SART1: variants seen among roughly 807,000 people sequenced by gnomAD.
The protein encoded by SART1 is spliceosome associated factor 1, recruiter of U4/U6.U5 tri-snRNP, also known as U4/U6.U5 tri-snRNP-associated protein 1.
SART1 carries 28 observed loss-of-function variants against 105.0 expected under a neutral mutation model. The ratio of observed to expected loss-of-function variants is 0.27; its 90% CI spans 0.20 to 0.37. The LOEUF (loss-of-function observed/expected upper bound fraction) is 0.37. Ranked by LOEUF, SART1 falls within the 10% of genes least tolerant of loss-of-function variation. The probability of loss-of-function intolerance (pLI) is 1.00; values close to 1 mark genes in which losing one functional copy is unlikely to be tolerated. For missense variants in SART1, 894 were observed against 1,106.5 expected (o/e 0.81, Z 2.72); for synonymous variants, 472 against 462.9 (o/e 1.02, Z -0.25).
chr11:65,971,433 A>G (rs1590639859), intron 12 of SART1, among the ~76,000 whole-genome samples: 2 of 71,406 alleles, frequency 2.8e-5, no homozygotes, highest in Admixed American at 1.4e-4. Context: ...GCTGCTGAGG[A>G]GGGGGATGGT....
chr11:65,972,716 A>G (rs1282830205), intron 12 of SART1, among the ~76,000 whole-genome samples: 1 of 151,582 alleles, frequency 6.6e-6, no homozygotes. Context: ...ATAGTCAGCT[A>G]TGATAGACTA....
At position 65,977,115 on chromosome 11, in the gene SART1, G is replaced by A; in HGVS notation, c.1945+14G>A. The A allele has an allele frequency of 1.2e-6, 2 of 1,607,550 alleles. No individual in the cohort carries two copies. The highest frequency in any genetic ancestry group is 2.2e-5 in the South Asian group (2 of 90,920). On this transcript the variant is annotated intron_variant, in intron 15 of 19. Coordinates refer to ENST00000312397, the MANE Select transcript of SART1 (RefSeq NM_005146.5). ...GTCAGAACAAAGGTAGGGAGCTCAGGGCAGCCATGACTTGGGTGGGCTTGG... is the reference window on the plus strand; with the variant it reads ...GTCAGAACAAAGGTAGGGAGCTCAGAGCAGCCATGACTTGGGTGGGCTTGG...
chr11:65,962,009 A>G lies in SART1; in HGVS notation c.229A>G (p.Ser77Gly), dbSNP rs984022658. 2 of 1,515,456 alleles carry G rather than the reference A, an allele frequency of 1.3e-6. No individual in the cohort carries two copies. The highest frequency in any genetic ancestry group is 1.5e-5 in the African/African-American group (1 of 68,946). The allele number at this position is 1,515,456 out of a possible 1,614,324, so 93.9% of individuals were successfully genotyped here. A position where few individuals can be genotyped will look rare whatever the true frequency, so the allele number is the denominator to read the frequency against. The change falls in exon 1 of 20, where the codon AGC (serine) becomes GGC (glycine). Residue 77 changes from serine (S) to glycine (G), a missense_variant. Transcript: ENST00000312397. ...CGGGGCCGAAGCTGAGGCCCGGAGC[A>G]GCACGCACGGGCGGGAGCGCAGCCA... ...RRGAEAEARS[S>G]THGRERSQAE...
At chr11:65,971,996 T>A (rs752146577) in intron 12 of SART1, among the ~76,000 whole-genome samples, 24 of 152,042 alleles carry the variant, frequency 1.6e-4, no homozygotes, top group Non-Finnish European at 1.0e-4. Flanking sequence ...CTATCTCAGC[T>A]CACTGCAATT....
chr11:65,962,746 G>C (rs642293), intron 1 of SART1, among the ~76,000 whole-genome samples: 1 of 151,976 alleles, frequency 6.6e-6, no homozygotes, highest in Non-Finnish European at 1.5e-5. Context: ...AAACCAGGAG[G>C]GCTATAGGCC....
At chr11:65,965,470 G>T in intron 5 of SART1, 23 bp downstream of exon 5, 2 of 1,548,048 alleles carry the variant, frequency 1.3e-6, no homozygotes, top group South Asian at 2.4e-5. Flanking sequence ...GCAGCATGGG[G>T]TGGTCGCCTA....
At chr11:65,973,555 C>G (rs1855425355) in intron 12 of SART1, among the ~76,000 whole-genome samples, 1 of 152,218 alleles carries the variant, frequency 6.6e-6, no homozygotes, top group African/African-American at 2.4e-5. Flanking sequence ...GGCCAGAGTC[C>G]TCAGCCACGC....
chr11:65,978,709 TG>T lies in SART1; in HGVS notation c.2262+26del, dbSNP rs766952326. ...GAGGCGGTGGGTGCCCTTGGGGATG[TG>T]GGGGGCCCTGTGCCTGCCGGGGCAG... On this transcript the variant is annotated intron_variant, in intron 18 of 19. Coordinates refer to ENST00000312397, the MANE Select transcript of SART1 (RefSeq NM_005146.5). The surrounding 1 kb of genome is among the most constrained non-coding windows in gnomAD (Gnocchi z 6.8). 3.1e-6 allele frequency: 5 copies of T among 1,613,062 alleles called. No individual in the cohort carries two copies. Among genetic ancestry groups the T allele is most frequent in the South Asian group, 1.1e-5 (1 of 91,036 alleles).
At chr11:65,964,689 GC>G in intron 3 of SART1, 119 bp downstream of exon 3, 4 of 1,024,702 alleles carry the variant, frequency 3.9e-6, no homozygotes, top group Non-Finnish European at 5.6e-6. Context: ...ATGCATATTT[GC>G]CGGAAGGCAT....
At position 65,966,355 on chromosome 11, in the gene SART1, A is replaced by C. The variant is rs1590634621; in HGVS notation, c.987A>C (p.Lys329Asn). 1 of 1,613,592 alleles carries C rather than the reference A, an allele frequency of 6.2e-7. No homozygotes were observed. ...DESVDDLAQQ[K>N]PRSILSKYDE... is the part of the protein sequence containing the mutation. ...CTGTACCTCTTGCCTTGCAGCAAAA[A>C]CCTCGCTCTATCCTGTCCAAGTATG... The change falls in exon 9 of 20, where the codon AAA (lysine) becomes AAC (asparagine). Residue 329 changes from lysine to asparagine, a missense_variant. Lys to Asn is a moderately conservative substitution (Grantham distance 94, BLOSUM62 0). Around this residue, in one of 2 missense-constraint regions of SART1, gnomAD observed 712 missense variants for 778.2 expected, o/e 0.91. Transcript: ENST00000312397.
At position 65,978,217 on chromosome 11, in the gene SART1, G is replaced by A. The variant is rs1476333717; in HGVS notation, c.2172+318G>A. 7.0e-5 allele frequency: 35 copies of A among 501,078 alleles called. No individual in the cohort carries two copies. Among genetic ancestry groups the A allele is most frequent in the African/African-American group, 2.3e-4 (12 of 51,854 alleles). 31.0% of individuals were successfully genotyped at this position (501,078 alleles called of 1,614,324 possible). On this transcript the variant is annotated intron_variant, in intron 17 of 19. Coordinates refer to ENST00000312397, the MANE Select transcript of SART1 (RefSeq NM_005146.5). The surrounding 1 kb of genome is among the most constrained non-coding windows in gnomAD (Gnocchi z 6.8). ...TCCTGGCCCGCAGGGCCATTCCAGC[G>A]TCCAGGCCCTTCCAGCACTCTCGTA... is the stretch of plus-strand genomic sequence containing the variant.
At chr11:65,970,315 T>A (rs1371896598) in intron 12 of SART1, among the ~76,000 whole-genome samples, 1 of 152,142 alleles carries the variant, frequency 6.6e-6, no homozygotes, top group East Asian at 1.9e-4. Flanking sequence ...ATGCCAACAT[T>A]TTCCAGTTAT....
chr11:65,966,645 C>CG, intron 9 of SART1, 89 bp downstream of exon 9: 1 of 1,363,564 alleles, frequency 7.3e-7, no homozygotes, highest in Non-Finnish European at 9.7e-7. Context: ...GAAGACAGGG[C>CG]GAGTATTTGT....
chr11:65,962,902 G>A (rs991512365), intron 1 of SART1, among the ~76,000 whole-genome samples: 3 of 152,072 alleles, frequency 2.0e-5, no homozygotes, highest in African/African-American at 7.2e-5. Context: ...ATGACTCCTT[G>A]AATTTTGGCT....
chr11:65,962,528 G>A (rs957549576), intron 1 of SART1, among the ~76,000 whole-genome samples: 2 of 152,154 alleles, frequency 1.3e-5, no homozygotes, highest in Admixed American at 1.3e-4. Flanking sequence ...ATCGTGTAGG[G>A]CGCATGGTAG....
Position 65,961,739 on chromosome 11 carries a change from T to G in SART1, c.-42T>G, listed in dbSNP as rs549686893. ...CCGGAAGTATTCCCATTTTGCGTTG[T>G]CTGGGCTCGGCGGCAGCCGGGCTCG... On this transcript the variant is annotated 5_prime_UTR_variant, in exon 1 of 20. Transcript: ENST00000312397. 124 of 1,462,642 alleles carry G rather than the reference T, an allele frequency of 8.5e-5. No homozygotes were observed. The African/African-American group carries it at 1.4e-3, about 17-fold the overall frequency. The allele number at this position is 1,462,642 out of a possible 1,614,324, so 90.6% of individuals were successfully genotyped here.
Position 65,978,194 on chromosome 11 carries a change from C to T in SART1, c.2172+295C>T. 1 of 514,306 alleles carries T rather than the reference C, an allele frequency of 1.9e-6. No homozygotes were observed. Among genetic ancestry groups the T allele is most frequent in the Non-Finnish European group, 3.5e-6 (1 of 284,958 alleles). The allele number at this position is 514,306 out of a possible 1,614,324, so 31.9% of individuals were successfully genotyped here. A position where few individuals can be genotyped will look rare whatever the true frequency, so the allele number is the denominator to read the frequency against. ...CTGCGTGAGCCCTTCACTGGCTTTC[C>T]TGGCCCGCAGGGCCATTCCAGCGTC... On this transcript the variant is annotated intron_variant, in intron 17 of 19. Transcript: ENST00000312397. The surrounding 1 kb of genome is among the most constrained non-coding windows in gnomAD (Gnocchi z 6.8).
intron 1 of SART1, among the ~76,000 whole-genome samples, chr11:65,962,297 C>G (rs1199848149): frequency 6.6e-6 from 1 of 152,204 alleles, no homozygotes; most frequent in African/African-American, 2.4e-5. Flanking sequence ...CCAGTGTACT[C>G]CAGCCTGGGC....
Position 65,966,382 on chromosome 11 carries a change from C to G in SART1, c.1014C>G (p.Asp338Glu), listed in dbSNP as rs748251289. Residue 338 changes from aspartate to glutamate, a missense_variant, in exon 9 of 20, where the codon GAC (aspartate) becomes GAG (glutamate). Physicochemically the swap from Asp to Glu is conservative, Grantham distance 45. Coordinates refer to ENST00000312397, the MANE Select transcript of SART1 (RefSeq NM_005146.5). ...QKPRSILSKYDEELEGERPHS... is the reference protein window; with the variant it reads ...QKPRSILSKYEEELEGERPHS... ...CTCGCTCTATCCTGTCCAAGTATGA[C>G]GAAGAGCTTGAAGGGGAGCGGCCAC... 7 of 1,613,980 alleles carry G rather than the reference C, an allele frequency of 4.3e-6. No homozygotes were observed. Among genetic ancestry groups the G allele is most frequent in the Non-Finnish European group, 5.1e-6 (6 of 1,180,032 alleles).
Sources: gnomAD v4.1 joint callset for allele counts (sites outside exome capture counted in the v4.1 genomes callset) on GRCh38, gnomAD v4.1.1 for gene constraint, gnomAD v4.1.1 regional missense constraint, Gnocchi (gnomAD v3.1) non-coding constraint, MANE v1.5 for transcripts, NCBI Gene and HGNC (gene_info 2026-07-23, HGNC 2026-07-21) for gene names.